The following FOXP1 variants were observed in gnomAD, a reference collection of about 807,000 sequenced individuals.
FOXP1 encodes the protein forkhead box protein P1.
Under a neutral mutation model 98.2 loss-of-function variants are expected in FOXP1, and 15 were observed. The ratio of observed to expected loss-of-function variants is 0.15; its 90% confidence interval spans 0.10 to 0.24. The LOEUF is 0.24. Among genes scored for constraint, FOXP1 ranks in the 10% least tolerant of loss-of-function variants. FOXP1 has a pLI of 1.00. For synonymous variants in FOXP1, 371 were observed against 314.5 expected (o/e 1.18, Z -1.90); for missense variants, 633 against 848.5 (o/e 0.75, Z 3.15).
At chr3:71,151,181 CCTGGGAG>C (rs2060554494) in intron 6 of FOXP1, among the ~76,000 whole-genome samples, 1 of 152,164 alleles carries the variant, frequency 6.6e-6, no homozygotes, top group Non-Finnish European at 1.5e-5. Context: ...AATACTGCTA[CCTGGGAG>C]CACAGACTTA....
intron 5 of FOXP1, among the ~76,000 whole-genome samples, chr3:71,199,341 G>C (rs1427771037): frequency 6.6e-6 from 1 of 152,060 alleles, no homozygotes; most frequent in Non-Finnish European, 1.5e-5. Context: ...ATGACCTCAG[G>C]TGATGCACCC....
intron 19 of FOXP1, chr3:70,968,706 T>TATCA (rs1241434141): frequency 6.6e-6 from 1 of 152,244 alleles, no homozygotes; most frequent in Non-Finnish European, 1.5e-5. Context: ...ATATATTGTA[T>TATCA]ATCATGCATT....
At chr3:71,531,833 G>T (rs1438296663) in intron 2 of FOXP1, among the ~76,000 whole-genome samples, 1 of 152,184 alleles carries the variant, frequency 6.6e-6, no homozygotes, top group African/African-American at 2.4e-5. Flanking sequence ...CTAGACCCAA[G>T]ATTTTGTATC....
chr3:71,003,470 TAAGAG>T (rs758890687), intron 12 of FOXP1, among the ~76,000 whole-genome samples: 19 of 151,858 alleles, frequency 1.3e-4, no homozygotes, highest in Non-Finnish European at 1.9e-4. Flanking sequence ...GTCATCAAGA[TAAGAG>T]AAATCAAATG....
At chr3:71,214,680 TAAATACCTG>T (rs1053641272) in intron 5 of FOXP1, among the ~76,000 whole-genome samples, 1 of 152,156 alleles carries the variant, frequency 6.6e-6, no homozygotes, top group African/African-American at 2.4e-5. Flanking sequence ...ACGAGCATGC[TAAATACCTG>T]AGTTAAGATT....
intron 3 of FOXP1, among the ~76,000 whole-genome samples, chr3:71,411,626 G>A (rs2082756886): frequency 6.6e-6 from 1 of 152,148 alleles, no homozygotes; most frequent in Admixed American, 6.5e-5. Flanking sequence ...CCGGCTGAAT[G>A]GTCTTCATAC....
At chr3:71,234,528 C>A (rs983056949) in intron 5 of FOXP1, among the ~76,000 whole-genome samples, 2 of 152,184 alleles carry the variant, frequency 1.3e-5, no homozygotes, top group African/African-American at 4.8e-5. Context: ...AGTTTCGTCA[C>A]CCCAAGGACA....
At chr3:71,212,534 C>T (rs1032643916) in intron 5 of FOXP1, among the ~76,000 whole-genome samples, 1 of 152,196 alleles carries the variant, frequency 6.6e-6, no homozygotes, top group Non-Finnish European at 1.5e-5. Context: ...GTAGCTCCAA[C>T]AATGAGCCTC....
intron 3 of FOXP1, among the ~76,000 whole-genome samples, chr3:71,441,267 A>G (rs1304898665): frequency 6.6e-6 from 1 of 152,218 alleles, no homozygotes; most frequent in Non-Finnish European, 1.5e-5. Context: ...TACGGGACAT[A>G]CATGTGGAAA....
chr3:71,570,516 G>A (rs1010735591), intron 2 of FOXP1: 2 of 152,180 alleles, frequency 1.3e-5, no homozygotes, highest in African/African-American at 2.4e-5. Context: ...TTTCCCATTC[G>A]GAAAGGGAAG....
chr3:71,064,767 G>A (rs922433125), intron 7 of FOXP1: 5 of 983,856 alleles, frequency 5.1e-6, no homozygotes, highest in African/African-American at 3.5e-5. Context: ...GGAAGCGGGC[G>A]CCGCGGAGCC....
At chr3:71,420,665 C>T (rs928231985) in intron 3 of FOXP1, among the ~76,000 whole-genome samples, 4 of 152,024 alleles carry the variant, frequency 2.6e-5, no homozygotes, top group African/African-American at 4.8e-5. Context: ...TGAATAAAGT[C>T]GCTTTTCCTG....
chr3:71,268,999 T>A (rs975774369), intron 5 of FOXP1, among the ~76,000 whole-genome samples: 1 of 151,892 alleles, frequency 6.6e-6, no homozygotes, highest in Non-Finnish European at 1.5e-5. Context: ...TCTGGGAAGG[T>A]AAATGAACGT....
intron 3 of FOXP1, among the ~76,000 whole-genome samples, chr3:71,443,585 G>C (rs1440355074): frequency 6.6e-6 from 1 of 152,060 alleles, no homozygotes; most frequent in Non-Finnish European, 1.5e-5. Context: ...TATAGGGCTG[G>C]TTAAAACACA....
intron 5 of FOXP1, 42 bp from the exon 6 acceptor site, chr3:71,198,434 G>C: frequency 2.3e-5 from 14 of 605,008 alleles, no homozygotes; most frequent in Middle Eastern, 4.6e-4. Context: ...GAGGGGGGGA[G>C]AAAAAAAAAG....
In FOXP1 at chr3:71,485,555, G is replaced by A. The variant is rs539723169; in HGVS notation, c.-168+7871C>T. Among the ~76,000 whole-genome samples, 20 of 152,268 alleles carry A rather than the reference G, an allele frequency of 1.3e-4. No homozygotes were observed. In the South Asian group the frequency reaches 3.9e-3, roughly 30 times the overall value. ...AGGCCAAGGCGGGCAGATCACCTGA[G>A]GTCAGGAGTTCAAGACCAGCCTGGC... is the stretch of plus-strand genomic sequence containing the variant. On this transcript the variant is annotated intron_variant, in intron 3 of 20. Transcript: ENST00000649528.
At chr3:71,188,395 CT>C (rs1033090197) in intron 6 of FOXP1, among the ~76,000 whole-genome samples, 24 of 150,868 alleles carry the variant, frequency 1.6e-4, no homozygotes, top group Non-Finnish European at 2.8e-4. Flanking sequence ...TGCTTTGCCT[CT>C]TTTTTTCTTT....
chr3:71,214,826 A>T (rs560971744), intron 5 of FOXP1, among the ~76,000 whole-genome samples: 1 of 152,248 alleles, frequency 6.6e-6, no homozygotes, highest in African/African-American at 2.4e-5. Flanking sequence ...CCAAGAGTAG[A>T]CCCCTGTGGC....
At chr3:71,497,099 T>C (rs1181872826) in intron 2 of FOXP1, among the ~76,000 whole-genome samples, 4 of 152,004 alleles carry the variant, frequency 2.6e-5, no homozygotes, top group African/African-American at 9.7e-5. Context: ...CAACTGAAAT[T>C]TTTAAAAATA....
Sources: allele counts gnomAD v4.1 joint callset (sites outside exome capture counted in the v4.1 genomes callset), GRCh38; gene constraint gnomAD v4.1.1; transcripts MANE v1.5; gene names NCBI Gene and HGNC (gene_info 2026-07-23, HGNC 2026-07-21).